CLVS1: variants seen among roughly 807,000 people sequenced by gnomAD.
The protein encoded by CLVS1 is clavesin 1, also known as clavesin-1.
Under a neutral mutation model 33.1 loss-of-function variants are expected in CLVS1, and 10 were observed. The ratio of observed to expected loss-of-function variants is 0.30; its 90% CI spans 0.19 to 0.51. The LOEUF is 0.51. Among genes scored for constraint, CLVS1 ranks in the 20% least tolerant of loss-of-function variants. The probability of loss-of-function intolerance (pLI) is 0.97; values close to 1 mark genes in which losing one functional copy is unlikely to be tolerated. For synonymous variants in CLVS1, 163 were observed against 166.1 expected (o/e 0.98, Z 0.14); for missense variants, 343 against 433.4 (o/e 0.79, Z 1.85).
At chr8:61,305,790 T>C (rs1810603422) in intron 2 of CLVS1, among the ~76,000 whole-genome samples, 2 of 152,230 alleles carry the variant, frequency 1.3e-5, no homozygotes, top group South Asian at 2.1e-4. Context: ...CTCTCACTTA[T>C]GAGTGAGGAA....
chr8:61,101,479 G>A (rs1188303835), intron 1 of CLVS1, among the ~76,000 whole-genome samples: 2 of 152,072 alleles, frequency 1.3e-5, no homozygotes, highest in African/African-American at 4.8e-5. Flanking sequence ...TCTTATTATT[G>A]TTGAGTTTTA....
intron 2 of CLVS1, among the ~76,000 whole-genome samples, chr8:61,134,117 C>T (rs1366305835): frequency 6.6e-6 from 1 of 152,126 alleles, no homozygotes; most frequent in Non-Finnish European, 1.5e-5. Flanking sequence ...CCCTGTCATT[C>T]ACATAATTCA....
intron 2 of CLVS1, among the ~76,000 whole-genome samples, chr8:61,273,454 G>A (rs1171247478): frequency 1.3e-5 from 2 of 152,162 alleles, no homozygotes; most frequent in African/African-American, 4.8e-5. Flanking sequence ...GTTTGTCTGT[G>A]CCCTGCCCCC....
chr8:60,972,700 G>A, the CLVS1 span, among the ~76,000 whole-genome samples: 1 of 152,146 alleles, frequency 6.6e-6, no homozygotes, highest in East Asian at 1.9e-4. Context: ...AGTGGACTCA[G>A]TGCAGGAGGA....
intron 2 of CLVS1, among the ~76,000 whole-genome samples, chr8:61,196,542 A>G (rs1375819443): frequency 6.6e-6 from 1 of 152,214 alleles, no homozygotes; most frequent in Non-Finnish European, 1.5e-5. Context: ...TGGCTTAGGC[A>G]CAGTTGAACT....
At chr8:61,202,913 T>G in intron 2 of CLVS1, 4 of 1,125,762 alleles carry the variant, frequency 3.6e-6, no homozygotes, top group Non-Finnish European at 5.3e-6. Flanking sequence ...GAAGAAAAAG[T>G]GCCAGTGAAG....
upstream of CLVS1, among the ~76,000 whole-genome samples, chr8:61,286,370 A>G (rs559773725): frequency 5.3e-5 from 8 of 152,210 alleles, no homozygotes; most frequent in African/African-American, 1.2e-4. Flanking sequence ...CTTAGCCCCT[A>G]TGGAGCCATA....
At chr8:61,312,805 CCTT>C (rs1047230822) in intron 2 of CLVS1, among the ~76,000 whole-genome samples, 44 of 152,260 alleles carry the variant, frequency 2.9e-4, no homozygotes, top group African/African-American at 9.6e-4. Flanking sequence ...ATCTCTCTCT[CCTT>C]CTTCATGCTG....
chr8:61,323,627 G>A (rs773654972), intron 2 of CLVS1, among the ~76,000 whole-genome samples: 1 of 152,002 alleles, frequency 6.6e-6, no homozygotes, highest in African/African-American at 2.4e-5. Context: ...CTTCTCTGGT[G>A]CAGTGTCTTG....
intron 3 of CLVS1, among the ~76,000 whole-genome samples, chr8:61,441,195 A>G (rs1485898547): frequency 6.6e-6 from 1 of 152,290 alleles, no homozygotes; most frequent in African/African-American, 2.4e-5. Context: ...GCATGCATGA[A>G]CTGAATAGAT....
intron 3 of CLVS1, among the ~76,000 whole-genome samples, chr8:61,442,611 T>G (rs1816596634): frequency 6.6e-6 from 1 of 152,112 alleles, no homozygotes; most frequent in Non-Finnish European, 1.5e-5. Flanking sequence ...GAGGTGTCAC[T>G]TTTTTTGAGA....
chr8:61,485,240 A>G (rs1180846884), intron 5 of CLVS1, among the ~76,000 whole-genome samples: 1 of 152,210 alleles, frequency 6.6e-6, no homozygotes, highest in Non-Finnish European at 1.5e-5. Flanking sequence ...ACTCAAACAA[A>G]TTTACAAGAA....
chr8:61,404,976 G>T (rs1275139368), intron 3 of CLVS1, among the ~76,000 whole-genome samples: 1 of 152,194 alleles, frequency 6.6e-6, no homozygotes, highest in African/African-American at 2.4e-5. Context: ...CACTGACTGA[G>T]AGCTGGCCAC....
chr8:61,499,201 G>C (rs1160788110), intron 5 of CLVS1, among the ~76,000 whole-genome samples: 1 of 151,380 alleles, frequency 6.6e-6, no homozygotes, highest in Non-Finnish European at 1.5e-5. Context: ...TTTGGAGACA[G>C]GGTCTACCTC....
chr8:61,088,927 A>G (rs981070431), intron 1 of CLVS1, among the ~76,000 whole-genome samples: 1 of 151,216 alleles, frequency 6.6e-6, no homozygotes, highest in African/African-American at 2.4e-5. Flanking sequence ...TCAGCCTCCC[A>G]AGTAGCTGGG....
intron 5 of CLVS1, among the ~76,000 whole-genome samples, chr8:61,481,442 TC>T (rs1818191550): frequency 1.3e-5 from 2 of 152,254 alleles, no homozygotes; most frequent in East Asian, 1.9e-4. Flanking sequence ...GGATTCCCTT[TC>T]CCAGCAAAGG....
chr8:61,449,245 T>G (rs1816868398), intron 3 of CLVS1, among the ~76,000 whole-genome samples: 1 of 152,210 alleles, frequency 6.6e-6, no homozygotes, highest in South Asian at 2.1e-4. Flanking sequence ...TCATTAACAC[T>G]GGACAATGAT....
chr8:61,058,712 C>T (rs181778194), intron 1 of CLVS1, among the ~76,000 whole-genome samples: 190 of 152,296 alleles, frequency 1.2e-3, no homozygotes, highest in Admixed American at 3.1e-3. Flanking sequence ...TCTGTCTCTC[C>T]TTGCCTTGTC....
intron 1 of CLVS1, among the ~76,000 whole-genome samples, chr8:61,075,239 T>C (rs1007145545): frequency 4.6e-5 from 7 of 152,054 alleles, no homozygotes; most frequent in African/African-American, 1.7e-4. Flanking sequence ...CAGCAGCAAA[T>C]GAAAGAGGTG....
Sources: allele counts gnomAD v4.1 joint callset (sites outside exome capture counted in the v4.1 genomes callset), GRCh38; gene constraint gnomAD v4.1.1; transcripts MANE v1.5; gene names NCBI Gene and HGNC (gene_info 2026-07-23, HGNC 2026-07-21).